LRRC7: variants seen among roughly 807,000 people sequenced by gnomAD.
LRRC7 encodes leucine rich repeat containing 7.
In LRRC7, 23 loss-of-function variants were observed where a neutral mutation model predicts 175.7. That is an observed-to-expected ratio of 0.13 (90% confidence interval 0.09 to 0.19). The LOEUF (loss-of-function observed/expected upper bound fraction) is 0.19. Ranked by LOEUF, LRRC7 falls within the 10% of genes least tolerant of loss-of-function variation. The pLI is 1.00. For missense variants in LRRC7, 1,354 were observed against 1,904.7 expected (o/e 0.71, Z 5.38); for synonymous variants, 685 against 680.9 (o/e 1.01, Z -0.09).
intron 1 of LRRC7, among the ~76,000 whole-genome samples, chr1:69,617,667 C>T (rs933568794): frequency 1.3e-5 from 2 of 151,216 alleles, no homozygotes; most frequent in Admixed American, 6.6e-5. Flanking sequence ...TTACGGTAGT[C>T]GGTTAGTATA....
intron 3 of LRRC7, among the ~76,000 whole-genome samples, chr1:69,781,753 GAGAGAGAGAGAGAAAGAAAGAA>G: frequency 2.1e-5 from 1 of 47,486 alleles, no homozygotes; most frequent in Non-Finnish European, 3.6e-5. Flanking sequence ...GAGAGAGAGA[GAGAGAGAGAGAGAAAGAAAGAA>G]AGAAAGAAAG....
rs191696180 is a variant in LRRC7 at position 69,633,724 on chromosome 1, C to T, written c.3-44657C>T. Among the ~76,000 whole-genome samples, 809 of 152,188 alleles carry T rather than the reference C, an allele frequency of 5.3e-3. 8 individuals are homozygous for T. Among genetic ancestry groups the T allele is most frequent in the Admixed American group, 8.4e-3 (128 of 15,268 alleles). On this transcript the variant is annotated intron_variant, in intron 1 of 26. Transcript: ENST00000651989. ...GATTACAGGCATGAGCCACCGTGCC[C>T]AGCCAAACATACTTTTAAAAGGTTA...
intron 1 of LRRC7, among the ~76,000 whole-genome samples, chr1:69,643,794 T>G (rs1335367737): frequency 6.6e-6 from 1 of 152,046 alleles, no homozygotes. Flanking sequence ...ACTCCCTTAT[T>G]TGATTTGGAA....
At chr1:70,075,539 A>G (rs1047680429) in intron 23 of LRRC7, among the ~76,000 whole-genome samples, 1 of 152,186 alleles carries the variant, frequency 6.6e-6, no homozygotes, top group Non-Finnish European at 1.5e-5. Context: ...CCCCACAGGA[A>G]TTTATCACAT....
intron 7 of LRRC7, among the ~76,000 whole-genome samples, chr1:69,858,018 C>A (rs1355257260): frequency 1.3e-5 from 2 of 152,088 alleles, no homozygotes; most frequent in African/African-American, 4.8e-5. Context: ...GGAAAGGATT[C>A]CCTATTTAAT....
chr1:70,049,165 A>G (rs1270058795), intron 22 of LRRC7, among the ~76,000 whole-genome samples: 1 of 152,140 alleles, frequency 6.6e-6, no homozygotes, highest in Admixed American at 6.6e-5. Context: ...TTATCTTATC[A>G]TAGAATTTTG....
intron 2 of LRRC7, among the ~76,000 whole-genome samples, chr1:69,704,508 G>A (rs1174524258): frequency 6.6e-6 from 1 of 151,718 alleles, no homozygotes; most frequent in Non-Finnish European, 1.5e-5. Context: ...AATGGCTTTT[G>A]TATATAGACT....
intron 13 of LRRC7, 40 bp from the exon 14 acceptor site, chr1:70,016,425 C>T: frequency 1.5e-6 from 2 of 1,342,820 alleles, no homozygotes; most frequent in South Asian, 1.4e-5. Flanking sequence ...AACTATTATC[C>T]ATCTTTACCC....
In LRRC7 at chr1:70,135,585, T is replaced by C. The variant is rs905679495; in HGVS notation, c.*13698T>C. On this transcript the variant is annotated 3_prime_UTR_variant, in exon 27 of 27. Transcript: ENST00000651989. ...CCAACCCCGACTCCAAGGGTGCTGC[T>C]TGTCCAACTGTGTCACCTCCCTGAC... 6.6e-6 allele frequency among the ~76,000 whole-genome samples: 1 copy of C among 152,144 alleles called. No individual in the cohort carries two copies. The highest frequency in any genetic ancestry group is 2.1e-4 in the South Asian group (1 of 4,834).
intron 7 of LRRC7, among the ~76,000 whole-genome samples, chr1:69,894,385 C>G (rs951688880): frequency 1.3e-5 from 2 of 152,102 alleles, no homozygotes; most frequent in East Asian, 3.9e-4. Context: ...AGAGACCACC[C>G]AAAATGAATT....
chr1:70,017,689 A>G (rs1461136187), intron 14 of LRRC7, among the ~76,000 whole-genome samples: 1 of 152,196 alleles, frequency 6.6e-6, no homozygotes, highest in African/African-American at 2.4e-5. Flanking sequence ...TACAAATTAT[A>G]AAATCTAAAT....
At chr1:69,904,542 G>T (rs921070577) in intron 7 of LRRC7, among the ~76,000 whole-genome samples, 18 of 148,988 alleles carry the variant, frequency 1.2e-4, no homozygotes, top group African/African-American at 4.4e-4. Context: ...AATCCTAAAT[G>T]ATTTATAAAA....
intron 1 of LRRC7, among the ~76,000 whole-genome samples, chr1:69,628,980 A>G (rs1350557775): frequency 6.6e-6 from 1 of 152,174 alleles, no homozygotes; most frequent in Non-Finnish European, 1.5e-5. Flanking sequence ...AAAATGGATT[A>G]TAGACCTAAA....
intron 8 of LRRC7, among the ~76,000 whole-genome samples, chr1:69,954,460 A>T (rs1650284601): frequency 1.3e-5 from 2 of 152,060 alleles, no homozygotes; most frequent in African/African-American, 2.4e-5. Context: ...TGACTTGGCG[A>T]GCATCCACCT....
chr1:69,707,555 T>G (rs1570440957), intron 2 of LRRC7, among the ~76,000 whole-genome samples: 1 of 152,300 alleles, frequency 6.6e-6, no homozygotes, highest in East Asian at 1.9e-4. Flanking sequence ...CAACTCTGTC[T>G]CAGGCAGTCT....
At chr1:69,753,299 T>C (rs1378531487) in intron 2 of LRRC7, among the ~76,000 whole-genome samples, 1 of 143,808 alleles carries the variant, frequency 7.0e-6, no homozygotes, top group Non-Finnish European at 1.5e-5. Flanking sequence ...TGTGTGTATG[T>C]GTGTGTGTGT....
In LRRC7 at chr1:69,680,480, G is replaced by A. The variant is rs763259411; in HGVS notation, c.100+2002G>A. Reference sequence around the variant, plus strand: ...CTCATCAATTGGATTGTGACGATCAGGGAAGTCTTTGAAGTGTCACCACAG... The same window carrying A: ...CTCATCAATTGGATTGTGACGATCAAGGAAGTCTTTGAAGTGTCACCACAG... On this transcript the variant is annotated intron_variant, in intron 2 of 26. Coordinates refer to ENST00000651989, the MANE Select transcript of LRRC7 (RefSeq NM_001370785.2). 2.0e-5 allele frequency among the ~76,000 whole-genome samples: 3 copies of A among 152,052 alleles called. No homozygotes were observed. In the East Asian group the frequency reaches 5.8e-4, roughly 29 times the overall value.
chr1:70,106,053 C>T (rs1180238668), intron 25 of LRRC7, among the ~76,000 whole-genome samples: 1 of 152,080 alleles, frequency 6.6e-6, no homozygotes, highest in Non-Finnish European at 1.5e-5. Flanking sequence ...ATTATGTTTA[C>T]AGATCAGCAA....
At chr1:69,746,643 C>G (rs1050024076) in intron 2 of LRRC7, among the ~76,000 whole-genome samples, 2 of 151,874 alleles carry the variant, frequency 1.3e-5, no homozygotes, top group African/African-American at 4.8e-5. Context: ...CATGCAATGT[C>G]TGCCATCTAT....
Sources: gnomAD v4.1 joint callset for allele counts (sites outside exome capture counted in the v4.1 genomes callset) on GRCh38, gnomAD v4.1.1 for gene constraint, MANE v1.5 for transcripts, NCBI Gene and HGNC (gene_info 2026-07-23, HGNC 2026-07-21) for gene names.